The following DLGAP2 variants were observed in gnomAD, a reference collection of about 807,000 sequenced individuals.
The protein encoded by DLGAP2 is DLG associated protein 2.
A neutral mutation model predicts 100.3 loss-of-function variants in DLGAP2; 26 were observed. The ratio of observed to expected loss-of-function variants is 0.26; its 90% CI spans 0.19 to 0.36. DLGAP2 has a LOEUF of 0.36. Among genes scored for constraint, DLGAP2 ranks in the 10% least tolerant of loss-of-function variants. DLGAP2 has a pLI of 1.00. For synonymous variants in DLGAP2, 886 were observed against 630.1 expected, an observed-to-expected ratio of 1.41 and a Z score of -6.08; for missense variants, 1,858 against 1,453.2, an observed-to-expected ratio of 1.28 and a Z score of -4.53.
At chr8:1,326,738 C>T (rs573657097) in intron 3 of DLGAP2, among the ~76,000 whole-genome samples, 1 of 152,356 alleles carries the variant, frequency 6.6e-6, no homozygotes, top group South Asian at 2.1e-4. Flanking sequence ...ACCTTAGTTT[C>T]TTCTTCCTGT....
At chr8:1,496,804 C>T (rs186510897) in intron 3 of DLGAP2, among the ~76,000 whole-genome samples, 12 of 152,314 alleles carry the variant, frequency 7.9e-5, no homozygotes, top group Admixed American at 2.6e-4. Context: ...ACACGCCATC[C>T]GCACGTTCGC....
In DLGAP2 at chr8:1,036,107, C is replaced by T. The variant is rs371894323; in HGVS notation, c.73+128141C>T. ...GCCTCATCCCGACCCCGCGTGTCAC[C>T]GCGAGTGGATTCACACGCTCATCCC... On this transcript the variant is annotated intron_variant, in intron 2 of 14. Coordinates refer to ENST00000637795, the MANE Select transcript of DLGAP2 (RefSeq NM_001346810.2). Among the ~76,000 whole-genome samples the T allele has an allele frequency of 1.7e-4, 25 of 145,426 alleles. No individual in the cohort carries two copies. In the South Asian group the frequency reaches 5.8e-3, roughly 34 times the overall value.
intron 14 of DLGAP2, 22 bp downstream of exon 14, chr8:1,697,321 C>G (rs927912426): frequency 6.4e-7 from 1 of 1,568,248 alleles, no homozygotes; most frequent in South Asian, 1.2e-5. Context: ...CATGCAGGGC[C>G]GGCTCCCAGC....
intron 3 of DLGAP2, among the ~76,000 whole-genome samples, chr8:1,450,963 T>C (rs1798143250): frequency 6.6e-6 from 1 of 152,176 alleles, no homozygotes; most frequent in Admixed American, 6.5e-5. Context: ...TGGAAATGCA[T>C]CATACCTCGT....
chr8:1,471,877 T>C (rs988429755), intron 3 of DLGAP2, among the ~76,000 whole-genome samples: 4 of 152,218 alleles, frequency 2.6e-5, no homozygotes, highest in Non-Finnish European at 5.9e-5. Flanking sequence ...GACAGTTGAA[T>C]GGGGCTCTGC....
chr8:1,625,272 C>T (rs934763232), intron 6 of DLGAP2, among the ~76,000 whole-genome samples: 3 of 152,196 alleles, frequency 2.0e-5, no homozygotes, highest in African/African-American at 4.8e-5. Flanking sequence ...CACATTTCTA[C>T]AGCTTTTGAT....
chr8:1,196,003 G>T (rs148062171), intron 2 of DLGAP2, among the ~76,000 whole-genome samples: 6 of 152,204 alleles, frequency 3.9e-5, no homozygotes, highest in Admixed American at 3.9e-4. Context: ...GCTCACGTTC[G>T]TGAGCAGAGT....
At chr8:982,407 C>T (rs536602873) in intron 2 of DLGAP2, among the ~76,000 whole-genome samples, 1 of 152,202 alleles carries the variant, frequency 6.6e-6, no homozygotes, top group Non-Finnish European at 1.5e-5. Flanking sequence ...TCTTTTACCT[C>T]TGCTAAGTGG....
At chr8:844,698 T>C (rs1246259936) in intron 1 of DLGAP2, among the ~76,000 whole-genome samples, 1 of 152,250 alleles carries the variant, frequency 6.6e-6, no homozygotes, top group Non-Finnish European at 1.5e-5. Flanking sequence ...AACTGTACAG[T>C]AAATGTTATC....
At chr8:890,181 C>T (rs1276056543) in intron 1 of DLGAP2, among the ~76,000 whole-genome samples, 3 of 152,156 alleles carry the variant, frequency 2.0e-5, no homozygotes, top group African/African-American at 7.2e-5. Context: ...AACGGCTCTG[C>T]TTCTAGTCAG....
Position 784,398 on chromosome 8 carries a change from T to C in DLGAP2, c.18+46573T>C, listed in dbSNP as rs112540179. Among the ~76,000 whole-genome samples the C allele has an allele frequency of 3.5e-3, 528 of 152,332 alleles. 3 individuals carry two copies. Among genetic ancestry groups the C allele is most frequent in the African/African-American group, 0.012 (505 of 41,578 alleles). On this transcript the variant is annotated intron_variant, in intron 1 of 14. Transcript: ENST00000637795. Reference sequence around the variant, plus strand: ...AAGAGAGGAAAACGTCTTTTAAGCTTAAATATATGTTACAGTAGGATATGG... The same window carrying C: ...AAGAGAGGAAAACGTCTTTTAAGCTCAAATATATGTTACAGTAGGATATGG...
intron 4 of DLGAP2, among the ~76,000 whole-genome samples, chr8:1,517,380 G>T (rs1362053191): frequency 6.6e-6 from 1 of 152,092 alleles, no homozygotes; most frequent in East Asian, 1.9e-4. Context: ...TGAGGGAGGG[G>T]CCGTGGTGAG....
At chr8:1,685,104 T>G (rs903465025) in intron 12 of DLGAP2, among the ~76,000 whole-genome samples, 27 of 151,392 alleles carry the variant, frequency 1.8e-4, no homozygotes, top group Non-Finnish European at 7.3e-5. Context: ...TGTGTGACTT[T>G]GTATCTCCTG....
At chr8:883,715 C>T (rs186315381) in intron 1 of DLGAP2, among the ~76,000 whole-genome samples, 2,040 of 150,484 alleles carry the variant, frequency 0.014, 40 homozygotes, top group African/African-American at 0.047. Flanking sequence ...GTGCCGCGGC[C>T]GTTCGTTACG....
At chr8:1,276,873 T>C (rs746306586) in intron 3 of DLGAP2, among the ~76,000 whole-genome samples, 1 of 152,212 alleles carries the variant, frequency 6.6e-6, no homozygotes, top group Non-Finnish European at 1.5e-5. Context: ...AAATTAAGTT[T>C]TCATGTTGTG....
At chr8:1,284,946 G>A (rs1006654447) in intron 3 of DLGAP2, among the ~76,000 whole-genome samples, 1 of 152,166 alleles carries the variant, frequency 6.6e-6, no homozygotes, top group African/African-American at 2.4e-5. Flanking sequence ...GCCCATCTTT[G>A]CACCAGATTC....
At position 1,560,220 on chromosome 8, in the gene DLGAP2, C is replaced by G. The variant is rs370251369; in HGVS notation, c.1231-5463C>G. Among the ~76,000 whole-genome samples the G allele has an allele frequency of 3.7e-4, 57 of 152,316 alleles. 2 individuals are homozygous for G. In the South Asian group the frequency reaches 0.011, roughly 29 times the overall value. ...CTTCTGGCTGCTTCTGCACATAACA[C>G]AGTTACATCTTTAAAAGACATAAAA... On this transcript the variant is annotated intron_variant, in intron 5 of 14. Transcript: ENST00000637795.
At chr8:1,268,800 C>T (rs1254999293) in intron 3 of DLGAP2, among the ~76,000 whole-genome samples, 1 of 152,220 alleles carries the variant, frequency 6.6e-6, no homozygotes, top group African/African-American at 2.4e-5. Flanking sequence ...TGGGAAATGT[C>T]AGCATTGTTC....
chr8:796,828 G>A (rs1796046138), intron 1 of DLGAP2, among the ~76,000 whole-genome samples: 1 of 152,146 alleles, frequency 6.6e-6, no homozygotes, highest in South Asian at 2.1e-4. Context: ...GGTGGCTTCT[G>A]TGTTCCAGCC....
Sources: gnomAD v4.1 joint callset for allele counts (sites outside exome capture counted in the v4.1 genomes callset) on GRCh38, gnomAD v4.1.1 for gene constraint, MANE v1.5 for transcripts, NCBI Gene and HGNC (gene_info 2026-07-23, HGNC 2026-07-21) for gene names.